The following TENM3 variants were observed in gnomAD, a reference collection of about 807,000 sequenced individuals.
TENM3 encodes the protein teneurin-3.
Under a neutral mutation model 255.1 loss-of-function variants are expected in TENM3, and 63 were observed. The observed-to-expected ratio is 0.25, with a 90% CI of 0.20 to 0.30. The LOEUF is 0.30. TENM3 is among the 10% of genes least tolerant of loss of function. The pLI is 1.00. For missense variants in TENM3, 2,929 were observed against 3,461.1 expected (o/e 0.85, Z 3.86); for synonymous variants, 1,306 against 1,322.3 (o/e 0.99, Z 0.27).
chr4:181,976,487 A>G, the TENM3 span: 1 of 152,232 alleles, frequency 6.6e-6, no homozygotes, highest in Non-Finnish European at 1.5e-5. Context: ...TCACATTCAC[A>G]GGTACTAGGG....
chr4:182,559,198 G>A lies in TENM3; in HGVS notation c.512-41726G>A, dbSNP rs116038447. Among the ~76,000 whole-genome samples the A allele has an allele frequency of 6.8e-3, 904 of 132,936 alleles. 10 individuals are homozygous for A. The highest frequency in any genetic ancestry group is 0.023 in the African/African-American group (793 of 34,418). 87.2% of individuals were successfully genotyped at this position (132,936 alleles called of 152,430 possible). A position where few individuals can be genotyped will look rare whatever the true frequency, so the allele number is the denominator to read the frequency against. On this transcript the variant is annotated intron_variant, in intron 3 of 27. Transcript: ENST00000511685. ...CCATCCAACCAAAATATTTTATAGC[G>A]CTTACGTTAACTGACATTTTAAAAG...
chr4:181,989,557 G>A, the TENM3 span, among the ~76,000 whole-genome samples: 519 of 152,184 alleles, frequency 3.4e-3, 16 homozygotes, highest in South Asian at 0.049. Flanking sequence ...CAACATCTCC[G>A]TTTAATCAGT....
the TENM3 span, among the ~76,000 whole-genome samples, chr4:181,545,052 A>G: frequency 6.6e-6 from 1 of 152,176 alleles, no homozygotes; most frequent in Admixed American, 6.5e-5. Flanking sequence ...GCACATTTTG[A>G]TGATAGTTTC....
chr4:181,540,324 A>G, the TENM3 span, among the ~76,000 whole-genome samples: 1 of 152,202 alleles, frequency 6.6e-6, no homozygotes, highest in South Asian at 2.1e-4. Context: ...ATAAATAAAT[A>G]ATAAATAGAT....
At chr4:182,297,112 G>A (rs1043813948) in intron 1 of TENM3, among the ~76,000 whole-genome samples, 2 of 152,212 alleles carry the variant, frequency 1.3e-5, no homozygotes, top group Non-Finnish European at 2.9e-5. Context: ...AAGTAAAATA[G>A]TTTATGGAGA....
At chr4:181,608,641 A>G in the TENM3 span, among the ~76,000 whole-genome samples, 1 of 151,890 alleles carries the variant, frequency 6.6e-6, no homozygotes, top group African/African-American at 2.4e-5. Flanking sequence ...GAATTGGTAA[A>G]GAACTGAAGT....
At chr4:181,906,909 C>T in the TENM3 span, among the ~76,000 whole-genome samples, 12 of 152,036 alleles carry the variant, frequency 7.9e-5, no homozygotes, top group African/African-American at 2.7e-4. Context: ...GATGGAGTCT[C>T]ACTATGTCGC....
At chr4:182,335,154 G>T (rs1016909053) in intron 2 of TENM3, among the ~76,000 whole-genome samples, 1 of 151,750 alleles carries the variant, frequency 6.6e-6, no homozygotes, top group Non-Finnish European at 1.5e-5. Flanking sequence ...GAAACTTCTC[G>T]CTACCCCTCT....
the TENM3 span, among the ~76,000 whole-genome samples, chr4:182,015,649 C>T: frequency 1.3e-4 from 20 of 152,238 alleles, no homozygotes; most frequent in African/African-American, 4.8e-4. Context: ...CAACCTCCGC[C>T]TCCTGGGTTC....
At chr4:182,035,709 T>G in the TENM3 span, among the ~76,000 whole-genome samples, 2 of 152,202 alleles carry the variant, frequency 1.3e-5, no homozygotes, top group Non-Finnish European at 2.9e-5. Flanking sequence ...TAGTTCCCAC[T>G]AAGCTTTCCG....
chr4:181,751,167 TC>T, the TENM3 span, among the ~76,000 whole-genome samples: 1 of 152,220 alleles, frequency 6.6e-6, no homozygotes, highest in African/African-American at 2.4e-5. Context: ...TGTTAAAATC[TC>T]CATGCTAGAG....
chr4:182,773,070 G>A (rs796464336), intron 22 of TENM3, among the ~76,000 whole-genome samples: 32 of 152,230 alleles, frequency 2.1e-4, no homozygotes, highest in African/African-American at 6.7e-4. Flanking sequence ...TACTGCCACC[G>A]AGGGAGTAAG....
rs1754333661 is a variant in TENM3, at chr4:182,662,727, T to C, written c.1111+8834T>C. ...TGAAAGACTTCTGTGTCCAGGCTTTTATCTAAGAGGACTGATGAGCTTCAG... is the reference window on the plus strand; with the variant it reads ...TGAAAGACTTCTGTGTCCAGGCTTTCATCTAAGAGGACTGATGAGCTTCAG... On this transcript the variant is annotated intron_variant, in intron 6 of 27. Transcript: ENST00000511685. Among the ~76,000 whole-genome samples, 2 of 152,196 alleles carry C rather than the reference T, an allele frequency of 1.3e-5. 1 individual carries two copies. Among genetic ancestry groups the C allele is most frequent in the South Asian group, 4.1e-4 (2 of 4,832 alleles).
the TENM3 span, among the ~76,000 whole-genome samples, chr4:181,927,868 G>A: frequency 6.6e-6 from 1 of 152,178 alleles, no homozygotes; most frequent in African/African-American, 2.4e-5. Flanking sequence ...GCCTCGTCTG[G>A]TGATACCCAG....
intron 1 of TENM3, among the ~76,000 whole-genome samples, chr4:182,304,982 C>G (rs1335446545): frequency 2.0e-5 from 3 of 151,938 alleles, no homozygotes; most frequent in Non-Finnish European, 4.4e-5. Context: ...CTCTGTCCTC[C>G]CCTCTCCTCT....
the TENM3 span, among the ~76,000 whole-genome samples, chr4:181,705,691 G>A: frequency 2.0e-5 from 3 of 152,196 alleles, no homozygotes; most frequent in African/African-American, 7.2e-5. Flanking sequence ...AACCACCATG[G>A]CACATGTTTA....
chr4:182,665,541 T>G (rs1392412080), intron 6 of TENM3, among the ~76,000 whole-genome samples: 1 of 152,156 alleles, frequency 6.6e-6, no homozygotes, highest in Non-Finnish European at 1.5e-5. Context: ...AAGTACATTT[T>G]GTAAGGCTAT....
chr4:182,714,876 C>CTGTTT (rs759925648), intron 13 of TENM3, among the ~76,000 whole-genome samples: 4 of 152,080 alleles, frequency 2.6e-5, no homozygotes, highest in Non-Finnish European at 5.9e-5. Context: ...GCCCTGATAG[C>CTGTTT]TGTTTTGTTT....
At chr4:181,677,967 C>T in the TENM3 span, among the ~76,000 whole-genome samples, 822 of 152,248 alleles carry the variant, frequency 5.4e-3, 5 homozygotes, top group African/African-American at 0.019. Flanking sequence ...GTCAACTTTC[C>T]TTTTTATATG....
Sources: gnomAD v4.1 joint callset for allele counts (sites outside exome capture counted in the v4.1 genomes callset) on GRCh38, gnomAD v4.1.1 for gene constraint, MANE v1.5 for transcripts, NCBI Gene and HGNC (gene_info 2026-07-23, HGNC 2026-07-21) for gene names.